The following HLCS variants were observed in gnomAD, a reference collection of about 807,000 sequenced individuals.
The protein encoded by HLCS is holocarboxylase synthetase.
Under a neutral mutation model 75.0 loss-of-function variants are expected in HLCS, and 53 were observed. The ratio of observed to expected loss-of-function variants is 0.71; its 90% CI spans 0.57 to 0.89. The LOEUF is 0.89. Among genes scored for constraint, HLCS ranks in the 40% least tolerant of loss-of-function variants. HLCS has a pLI of 0.00. For synonymous variants in HLCS, 431 were observed against 428.6 expected (o/e 1.01, Z -0.07); for missense variants, 966 against 1,074.0 (o/e 0.90, Z 1.41).
chr21:36,757,356 C>T (rs144265880), intron 9 of HLCS, among the ~76,000 whole-genome samples: 282 of 152,190 alleles, frequency 1.9e-3, no homozygotes, highest in Non-Finnish European at 3.1e-3. Context: ...TTTGCAGGGT[C>T]CTAAACCAAG....
chr21:36,788,591 A>T (rs1480232987), intron 6 of HLCS, among the ~76,000 whole-genome samples: 3 of 152,254 alleles, frequency 2.0e-5, no homozygotes, highest in African/African-American at 7.2e-5. Context: ...TTCCTGCTAC[A>T]GACCAGAGCA....
chr21:36,778,123 C>T (rs1035169093), intron 6 of HLCS, among the ~76,000 whole-genome samples: 1 of 152,000 alleles, frequency 6.6e-6, no homozygotes, highest in Non-Finnish European at 1.5e-5. Context: ...CGCCCGCCAC[C>T]ACGCCCGGCT....
rs796626811 is a variant in HLCS at position 36,842,678 on chromosome 21, G to T, written c.1892+54182C>A. Among the ~76,000 whole-genome samples, 39 of 152,284 alleles carry T rather than the reference G, an allele frequency of 2.6e-4. No individual in the cohort carries two copies. The highest frequency in any genetic ancestry group is 9.4e-4 in the African/African-American group (39 of 41,564). ...GAATTGCTTGAACCCGGGAGGTGGA[G>T]GTTGCAGTAAGCCAAGATTGTGCCA... On this transcript the variant is annotated intron_variant, in intron 6 of 10. Coordinates refer to ENST00000674895, the MANE Select transcript of HLCS (RefSeq NM_001352514.2). This position sits in a 1 kb window ranked among gnomAD's most constrained non-coding sequence, Gnocchi z 4.2.
chr21:36,783,638 G>C (rs75098232), intron 6 of HLCS, among the ~76,000 whole-genome samples: 1 of 152,172 alleles, frequency 6.6e-6, no homozygotes, highest in East Asian at 1.9e-4. Context: ...GTGCCATTAC[G>C]TGCAAGACAG....
chr21:36,942,337 T>G (rs1438972136), intron 2 of HLCS, among the ~76,000 whole-genome samples: 1 of 144,324 alleles, frequency 6.9e-6, no homozygotes, highest in African/African-American at 2.6e-5. Context: ...AGGTGGAGGT[T>G]GTGGTGAGCT....
In HLCS at chr21:36,754,254, G is replaced by A. The variant is rs199499263; in HGVS notation, c.2614C>T (p.Arg872Trp). Residue 872 changes from arginine to tryptophan, a missense_variant, in exon 11 of 11, where the codon CGG becomes TGG. Coordinates refer to ENST00000674895, the MANE Select transcript of HLCS (RefSeq NM_001352514.2). Reference protein sequence around the residue: ...DMLRNLILPKRR With the variant: ...DMLRNLILPKWR ...CTCGGGGACGCCCGGCATTACCGCC[G>A]TTTGGGGAGGATGAGGTTTCTCAGC... 11 of 1,614,018 alleles carry A rather than the reference G, an allele frequency of 6.8e-6. No homozygotes were observed. The highest frequency in any genetic ancestry group is 4.5e-5 in the East Asian group (2 of 44,882).
rs13047748 is a variant in HLCS, at chr21:36,902,060, A to C, written c.1621-4929T>G. ...CAGTGCCGTGGGGAGAGGGCTGAGA[A>C]GTCACCGCTGGCCTTGGTGCCACAG... On this transcript the variant is annotated intron_variant, in intron 5 of 10. Coordinates refer to ENST00000674895, the MANE Select transcript of HLCS (RefSeq NM_001352514.2). Among the ~76,000 whole-genome samples, 583 of 152,268 alleles carry C rather than the reference A, an allele frequency of 3.8e-3. 1 individual carries two copies. Among genetic ancestry groups the C allele is most frequent in the Non-Finnish European group, 5.9e-3 (401 of 68,022 alleles).
intron 7 of HLCS, among the ~76,000 whole-genome samples, chr21:36,766,500 T>C (rs1032323670): frequency 9.9e-5 from 15 of 152,120 alleles, no homozygotes; most frequent in African/African-American, 3.4e-4. Context: ...AAAGACATGG[T>C]TCAGGAGAAA....
intron 1 of HLCS, among the ~76,000 whole-genome samples, chr21:36,977,231 G>T (rs1277533597): frequency 6.6e-6 from 1 of 152,068 alleles, no homozygotes; most frequent in African/African-American, 2.4e-5. Flanking sequence ...TTTCAGGCAT[G>T]TAAAAATCAG....
At chr21:36,801,938 T>C (rs896654914) in intron 6 of HLCS, among the ~76,000 whole-genome samples, 2 of 152,182 alleles carry the variant, frequency 1.3e-5, no homozygotes, top group Admixed American at 6.5e-5. Flanking sequence ...TCAGCATTGA[T>C]CTTATTTTCA....
At chr21:36,834,150 C>A (rs747722510) in intron 6 of HLCS, among the ~76,000 whole-genome samples, 1 of 152,218 alleles carries the variant, frequency 6.6e-6, no homozygotes, top group South Asian at 2.1e-4. Flanking sequence ...GTCCTGGAAC[C>A]AATCCCTCAC....
At chr21:36,986,562 G>A (rs898953784) in intron 1 of HLCS, among the ~76,000 whole-genome samples, 2 of 152,178 alleles carry the variant, frequency 1.3e-5, no homozygotes, top group African/African-American at 4.8e-5. Flanking sequence ...GGGATTACAG[G>A]CATGTACCAC....
chr21:36,969,925 G>C (rs956637180), upstream of HLCS, among the ~76,000 whole-genome samples: 2 of 152,138 alleles, frequency 1.3e-5, no homozygotes, highest in Admixed American at 1.3e-4. Context: ...ACTGCAGAAA[G>C]GAACAAGAAT....
At chr21:36,916,601 G>T (rs1246663168) in intron 5 of HLCS, among the ~76,000 whole-genome samples, 7 of 148,574 alleles carry the variant, frequency 4.7e-5, no homozygotes, top group African/African-American at 1.7e-4. Context: ...TCAACACCTG[G>T]ACTCAAGCGA....
At position 36,984,990 on chromosome 21, in the gene HLCS, G is replaced by C. The variant is rs561323308; in HGVS notation, c.-393+5168C>G. Among the ~76,000 whole-genome samples, 3 of 151,924 alleles carry C rather than the reference G, an allele frequency of 2.0e-5. No individual in the cohort carries two copies. The South Asian group carries it at 6.2e-4, about 32-fold the overall frequency. On this transcript the variant is annotated intron_variant, in intron 1 of 11. Transcript: ENST00000336648. ...CTATATATCCATTCAGTGGTACAAA[G>C]TATAACTTTCTTTCCAGAACCATTT...
At chr21:36,895,276 C>T (rs1040269739) in intron 6 of HLCS, among the ~76,000 whole-genome samples, 4 of 152,114 alleles carry the variant, frequency 2.6e-5, no homozygotes, top group Non-Finnish European at 4.4e-5. Flanking sequence ...ATGTAACTAT[C>T]GCGAGTTACC....
At chr21:36,823,922 CAG>C (rs1186044499) in intron 6 of HLCS, among the ~76,000 whole-genome samples, 4 of 152,100 alleles carry the variant, frequency 2.6e-5, no homozygotes, top group African/African-American at 7.2e-5. Context: ...AGAAACCAAA[CAG>C]AGCACTGATG....
intron 6 of HLCS, among the ~76,000 whole-genome samples, chr21:36,843,385 C>G (rs1601479217): frequency 6.6e-6 from 1 of 152,170 alleles, no homozygotes; most frequent in East Asian, 1.9e-4. Context: ...CTCCAGTGAG[C>G]CATGATCGTG....
intron 6 of HLCS, among the ~76,000 whole-genome samples, chr21:36,771,102 C>G (rs2060191845): frequency 6.6e-6 from 1 of 152,068 alleles, no homozygotes; most frequent in Non-Finnish European, 1.5e-5. Context: ...TGCCTGTAAT[C>G]CCAGCTACTC....
Sources: allele counts gnomAD v4.1 joint callset (sites outside exome capture counted in the v4.1 genomes callset), GRCh38; gene constraint gnomAD v4.1.1; non-coding constraint Gnocchi (gnomAD v3.1); transcripts MANE v1.5; gene names NCBI Gene and HGNC (gene_info 2026-07-23, HGNC 2026-07-21).